The following SLCO1B1 variants were observed in gnomAD, a reference collection of about 807,000 sequenced individuals.
SLCO1B1 encodes the protein solute carrier organic anion transporter family member 1B1.
SLCO1B1 carries 81 observed loss-of-function variants against 70.1 expected under a neutral mutation model. The ratio of observed to expected loss-of-function variants is 1.16; its 90% CI spans 0.97 to 1.39. The LOEUF (loss-of-function observed/expected upper bound fraction) is 1.39, where lower values mean the gene tolerates loss of function less well. Among genes scored for constraint, SLCO1B1 ranks in the 40% most tolerant of loss-of-function variants. SLCO1B1 has a pLI of 0.00. For missense variants in SLCO1B1, 895 were observed against 799.6 expected (o/e 1.12, Z -1.44); for synonymous variants, 283 against 271.5 (o/e 1.04, Z -0.42).
chr12:21,137,696 A>G (rs903738531), intron 1 of SLCO1B1, among the ~76,000 whole-genome samples: 4 of 152,146 alleles, frequency 2.6e-5, no homozygotes, highest in Non-Finnish European at 4.4e-5. Flanking sequence ...AAAGCACAGT[A>G]TTAGGGTGGG....
At chr12:21,135,747 T>A (rs920038373) in intron 1 of SLCO1B1, among the ~76,000 whole-genome samples, 2 of 152,216 alleles carry the variant, frequency 1.3e-5, no homozygotes, top group African/African-American at 4.8e-5. Flanking sequence ...TGAGATGGAT[T>A]TCCTGACTAC....
chr12:21,152,527 G>A (rs796717461), intron 2 of SLCO1B1, among the ~76,000 whole-genome samples: 1 of 9,826 alleles, frequency 1.0e-4, no homozygotes, highest in Non-Finnish European at 5.3e-4. Context: ...TGTGGGAGAG[G>A]AGAGGCTTTT....
chr12:21,154,126 C>G (rs967887496), intron 2 of SLCO1B1, among the ~76,000 whole-genome samples: 2 of 151,754 alleles, frequency 1.3e-5, no homozygotes, highest in African/African-American at 4.9e-5. Context: ...CTTTCTTATA[C>G]TTTTTGAATG....
At chr12:21,166,020 G>A (rs897550815) in intron 2 of SLCO1B1, among the ~76,000 whole-genome samples, 4 of 151,290 alleles carry the variant, frequency 2.6e-5, no homozygotes, top group Admixed American at 2.0e-4. Flanking sequence ...AAAAAAAAAC[G>A]AAGAAAAATT....
chr12:21,224,770 GTA>G lies in SLCO1B1; in HGVS notation c.1799_1800del (p.Ile600LysfsTer14). The G allele has an allele frequency of 6.2e-7, 1 of 1,612,280 alleles. No homozygotes were observed. The highest frequency in any genetic ancestry group is 1.7e-5 in the Admixed American group (1 of 59,970). On this transcript the variant is annotated frameshift_variant, in exon 14 of 15. Coordinates refer to ENST00000256958, the MANE Select transcript of SLCO1B1 (RefSeq NM_006446.5). LOFTEE classifies it high-confidence loss of function. Reference sequence around the variant, plus strand: ...TTTGGGGCTCTGATTGATACAACGTGTATAAAGTGGTCCACCAACAACTGTGG... The same window carrying G: ...TTTGGGGCTCTGATTGATACAACGTGTAAAGTGGTCCACCAACAACTGTGG...
chr12:21,143,221 T>C (rs1940335395), intron 2 of SLCO1B1, among the ~76,000 whole-genome samples: 1 of 152,074 alleles, frequency 6.6e-6, no homozygotes, highest in African/African-American at 2.4e-5. Flanking sequence ...GAGAAAATTT[T>C]TTAAATAAAG....
intron 8 of SLCO1B1, among the ~76,000 whole-genome samples, chr12:21,199,754 T>A (rs1201404918): frequency 6.6e-6 from 1 of 152,018 alleles, no homozygotes; most frequent in Non-Finnish European, 1.5e-5. Context: ...ACATCATATG[T>A]CTTATTCACT....
intron 14 of SLCO1B1, among the ~76,000 whole-genome samples, chr12:21,229,835 A>T (rs1192204332): frequency 3.3e-5 from 5 of 152,164 alleles, no homozygotes; most frequent in Admixed American, 6.6e-5. Flanking sequence ...TTTCTTTTCA[A>T]TCTATATACA....
chr12:21,172,567 AG>A lies in SLCO1B1; in HGVS notation c.85-82del, dbSNP rs1197478697. 17 of 1,415,676 alleles carry A rather than the reference AG, an allele frequency of 1.2e-5. No individual in the cohort carries two copies. The East Asian group carries it at 3.7e-4, about 30-fold the overall frequency. 87.7% of individuals were successfully genotyped at this position (1,415,676 alleles called of 1,614,324 possible). ...AATAATGTTTTTAAGTAAAGAAGAA[AG>A]CTATTATAATTCCATGTGCCTATTG... On this transcript the variant is annotated intron_variant, in intron 2 of 14. Coordinates refer to ENST00000256958, the MANE Select transcript of SLCO1B1 (RefSeq NM_006446.5).
intron 2 of SLCO1B1, among the ~76,000 whole-genome samples, chr12:21,146,337 ATCT>A (rs1300606026): frequency 6.6e-6 from 1 of 151,928 alleles, no homozygotes; most frequent in African/African-American, 2.4e-5. Flanking sequence ...GCCTTCCCTC[ATCT>A]TCTTAGGTAA....
At chr12:21,140,961 G>A (rs2121038420) in intron 1 of SLCO1B1, among the ~76,000 whole-genome samples, 1 of 151,998 alleles carries the variant, frequency 6.6e-6, no homozygotes, top group Admixed American at 6.6e-5. Context: ...GCTCTGAGAA[G>A]TACTTGGAGT....
intron 9 of SLCO1B1, 40 bp downstream of exon 9, chr12:21,200,712 T>C (rs764048890): frequency 2.0e-6 from 3 of 1,525,498 alleles, no homozygotes; most frequent in Admixed American, 3.4e-5. Context: ...ATAAGTGAAA[T>C]AATACTAAAT....
At chr12:21,149,406 C>T (rs1358019991) in intron 2 of SLCO1B1, among the ~76,000 whole-genome samples, 1 of 152,102 alleles carries the variant, frequency 6.6e-6, no homozygotes, top group Non-Finnish European at 1.5e-5. Flanking sequence ...CCATCAATAC[C>T]TAGTTTATTG....
At position 21,217,247 on chromosome 12, in the gene SLCO1B1, C is replaced by A. The variant is rs1941370250; in HGVS notation, c.1626C>A (p.Val542=). The A allele has an allele frequency of 2.5e-6, 4 of 1,613,696 alleles. No homozygotes were observed. The highest frequency in any genetic ancestry group is 3.4e-6 in the Non-Finnish European group (4 of 1,179,752). Residue 542 remains valine (V), a synonymous_variant, in exon 12 of 15, where the codon GTC becomes GTA. Transcript: ENST00000256958. ...RKFYFFVAIQ[V]LNLFFSALGG... ...TTTACTTTTTTGTTGCAATACAAGT[C>A]TTGAATTTATTTTTCTCTGCACTTG...
rs1941630036 is a variant in SLCO1B1 at position 21,239,781 on chromosome 12, A to T, written c.*592A>T. Among the ~76,000 whole-genome samples the T allele has an allele frequency of 6.6e-6, 1 of 152,226 alleles. No homozygotes were observed. Among genetic ancestry groups the T allele is most frequent in the South Asian group, 2.1e-4 (1 of 4,838 alleles). Reference sequence around the variant, plus strand: ...TAAGTATTGTGGAAGAAATAAAGACATTCCAATATTTGCAAGCTGTGATTG... The same window carrying T: ...TAAGTATTGTGGAAGAAATAAAGACTTTCCAATATTTGCAAGCTGTGATTG... On this transcript the variant is annotated 3_prime_UTR_variant, in exon 15 of 15. Coordinates refer to ENST00000256958, the MANE Select transcript of SLCO1B1 (RefSeq NM_006446.5).
intron 2 of SLCO1B1, among the ~76,000 whole-genome samples, chr12:21,148,862 A>G (rs1380358159): frequency 6.6e-6 from 1 of 152,080 alleles, no homozygotes; most frequent in Non-Finnish European, 1.5e-5. Context: ...TGAGCATAGA[A>G]TGTTTTTCCA....
intron 11 of SLCO1B1, among the ~76,000 whole-genome samples, chr12:21,213,516 C>T (rs1941314837): frequency 6.9e-6 from 1 of 144,480 alleles, no homozygotes; most frequent in Admixed American, 6.9e-5. Flanking sequence ...TTCATTTCAA[C>T]TTTGGTGAAT....
rs879421065 is a variant in SLCO1B1, at chr12:21,225,530, G to A, written c.1865+691G>A. On this transcript the variant is annotated intron_variant, in intron 14 of 14. Coordinates refer to ENST00000256958, the MANE Select transcript of SLCO1B1 (RefSeq NM_006446.5). ...AGTATAATTTCTTTCAATTATCTAC[G>A]AAGCAGAAACTAAGTATGACCCAAA... Among the ~76,000 whole-genome samples, 14 of 151,904 alleles carry A rather than the reference G, an allele frequency of 9.2e-5. 1 individual carries two copies. The highest frequency in any genetic ancestry group is 8.3e-4 in the South Asian group (4 of 4,822).
At chr12:21,233,086 T>C (rs146958143) in intron 14 of SLCO1B1, among the ~76,000 whole-genome samples, 1 of 152,160 alleles carries the variant, frequency 6.6e-6, no homozygotes, top group East Asian at 1.9e-4. Context: ...CAGCACCCAA[T>C]ATTGACCTGG....
Sources: gnomAD v4.1 joint callset for allele counts (sites outside exome capture counted in the v4.1 genomes callset) on GRCh38, gnomAD v4.1.1 for gene constraint, MANE v1.5 for transcripts, NCBI Gene and HGNC (gene_info 2026-07-23, HGNC 2026-07-21) for gene names.